The following DOK6 variants were observed in gnomAD, a reference collection of about 807,000 sequenced individuals.
DOK6 encodes the protein docking protein 6.
Under a neutral mutation model 44.0 loss-of-function variants are expected in DOK6, and 22 were observed. The ratio of observed to expected loss-of-function variants is 0.50; its 90% CI spans 0.36 to 0.71. The LOEUF is 0.71. Ranked by LOEUF, DOK6 falls within the 30% of genes least tolerant of loss-of-function variation. DOK6 has a pLI of 0.00. For synonymous variants in DOK6, 166 were observed against 145.5 expected (o/e 1.14, Z -1.01); for missense variants, 340 against 416.4 (o/e 0.82, Z 1.60).
intron 7 of DOK6, among the ~76,000 whole-genome samples, chr18:69,833,609 C>T (rs1470024979): frequency 6.6e-6 from 1 of 151,950 alleles, no homozygotes; most frequent in African/African-American, 2.4e-5. Flanking sequence ...AAAAAGCTAA[C>T]AAATAAATGA....
chr18:69,792,111 G>T (rs1980618355), intron 7 of DOK6, among the ~76,000 whole-genome samples: 1 of 152,050 alleles, frequency 6.6e-6, no homozygotes, highest in East Asian at 1.9e-4. Context: ...ATTGGTCTAT[G>T]TGTCTGTTTT....
chr18:69,534,540 G>A (rs925270116), intron 1 of DOK6, among the ~76,000 whole-genome samples: 1 of 151,204 alleles, frequency 6.6e-6, no homozygotes, highest in Admixed American at 6.6e-5. Flanking sequence ...ATTTATGCAT[G>A]GGAACTGATT....
At position 69,612,465 on chromosome 18, in the gene DOK6, A is replaced by AGGGCGCATGTGTGCGAGGGCGCACG. The variant is rs1984180059; in HGVS notation, c.289+12967_289+12968insGGGCGCATGTGTGCGAGGGCGCACG. On this transcript the variant is annotated intron_variant, in intron 3 of 7. Transcript: ENST00000382713. The stretch of plus-strand genomic sequence containing the variant: ...AGGGCGCATGTGTGCGAGCGTGCAT[A>AGGGCGCATGTGTGCGAGGGCGCACG]TGTATTTCTTGCTCTTTTCTAACAT... 3.2e-5 allele frequency among the ~76,000 whole-genome samples: 2 copies of AGGGCGCATGTGTGCGAGGGCGCACG among 62,704 alleles called. 1 individual carries two copies. Among genetic ancestry groups the AGGGCGCATGTGTGCGAGGGCGCACG allele is most frequent in the African/African-American group, 1.3e-4 (2 of 14,844 alleles). 41.1% of individuals were successfully genotyped at this position (62,704 alleles called of 152,430 possible). A position where few individuals can be genotyped will look rare whatever the true frequency, so the allele number is the denominator to read the frequency against.
intron 1 of DOK6, among the ~76,000 whole-genome samples, chr18:69,477,056 T>A (rs1258631878): frequency 6.6e-6 from 1 of 152,220 alleles, no homozygotes; most frequent in Non-Finnish European, 1.5e-5. Context: ...TTATAAAATA[T>A]GCTACTTGTA....
rs1353609113 is a variant in DOK6, at chr18:69,401,397, T to A, written c.66+87T>A. 5.1e-6 allele frequency: 7 copies of A among 1,364,140 alleles called. No individual in the cohort carries two copies. In the East Asian group the frequency reaches 1.9e-4, roughly 38 times the overall value. The allele number at this position is 1,364,140 out of a possible 1,614,324, so 84.5% of individuals were successfully genotyped here. On this transcript the variant is annotated intron_variant, in intron 1 of 7. Transcript: ENST00000382713. Reference sequence around the variant, plus strand: ...GGGGGGGGCAGGGAGAGGTGACCCGTGCGGGTACAGGGCAGAGAGGGACCC... The same window carrying A: ...GGGGGGGGCAGGGAGAGGTGACCCGAGCGGGTACAGGGCAGAGAGGGACCC...
intron 1 of DOK6, among the ~76,000 whole-genome samples, chr18:69,532,326 T>A (rs749277344): frequency 6.6e-6 from 1 of 152,134 alleles, no homozygotes; most frequent in Non-Finnish European, 1.5e-5. Context: ...TCAGTGTCAT[T>A]TTTAGTCTAC....
intron 6 of DOK6, among the ~76,000 whole-genome samples, chr18:69,754,638 G>C (rs183767243): frequency 6.6e-6 from 1 of 152,100 alleles, no homozygotes; most frequent in Non-Finnish European, 1.5e-5. Flanking sequence ...CTGCAGGGTT[G>C]GTTTCTCCTG....
intron 2 of DOK6, among the ~76,000 whole-genome samples, chr18:69,584,584 GC>G (rs1568303684): frequency 2.0e-5 from 3 of 151,944 alleles, no homozygotes; most frequent in African/African-American, 7.3e-5. Context: ...GAGCCACCGC[GC>G]CCAGACCATA....
At chr18:69,634,858 A>G (rs1373236021) in intron 3 of DOK6, among the ~76,000 whole-genome samples, 1 of 152,172 alleles carries the variant, frequency 6.6e-6, no homozygotes, top group Non-Finnish European at 1.5e-5. Context: ...AAAATTAAAC[A>G]TCCTTGGTAT....
intron 3 of DOK6, among the ~76,000 whole-genome samples, chr18:69,623,169 A>C (rs1409322877): frequency 6.6e-6 from 1 of 152,130 alleles, no homozygotes; most frequent in Non-Finnish European, 1.5e-5. Context: ...CCATCTGAAT[A>C]TATGCCAGCT....
At chr18:69,679,132 G>A (rs1985989764) in intron 4 of DOK6, among the ~76,000 whole-genome samples, 2 of 152,010 alleles carry the variant, frequency 1.3e-5, no homozygotes, top group Non-Finnish European at 1.5e-5. Flanking sequence ...GCCAATATTG[G>A]GCCACTGTAG....
intron 6 of DOK6, among the ~76,000 whole-genome samples, chr18:69,753,990 T>A (rs892040734): frequency 6.6e-6 from 1 of 152,320 alleles, no homozygotes; most frequent in African/African-American, 2.4e-5. Context: ...ATTTGCAATA[T>A]AAGTTGCCTT....
At chr18:69,746,326 A>G (rs953854508) in intron 6 of DOK6, among the ~76,000 whole-genome samples, 1 of 152,144 alleles carries the variant, frequency 6.6e-6, no homozygotes, top group East Asian at 1.9e-4. Context: ...GAGTGCAGTG[A>G]CATGATCTTG....
At chr18:69,456,000 G>T (rs1314791225) in intron 1 of DOK6, among the ~76,000 whole-genome samples, 4 of 152,060 alleles carry the variant, frequency 2.6e-5, no homozygotes, top group African/African-American at 9.7e-5. Flanking sequence ...AGGGATTAAA[G>T]ACTTCAAATT....
intron 1 of DOK6, among the ~76,000 whole-genome samples, chr18:69,564,258 T>C (rs534061861): frequency 1.3e-5 from 2 of 152,212 alleles, no homozygotes; most frequent in Non-Finnish European, 2.9e-5. Context: ...TAAAGACTAC[T>C]AAAATCAGCC....
At chr18:69,629,237 C>G (rs764592876) in intron 3 of DOK6, among the ~76,000 whole-genome samples, 9 of 152,184 alleles carry the variant, frequency 5.9e-5, no homozygotes, top group African/African-American at 9.7e-5. Context: ...TGGAGCAATC[C>G]AGAAGACTGT....
At chr18:69,693,971 A>G (rs113299599) in intron 4 of DOK6, among the ~76,000 whole-genome samples, 1 of 143,340 alleles carries the variant, frequency 7.0e-6, no homozygotes, top group African/African-American at 2.6e-5. Flanking sequence ...AGGCAGGAGA[A>G]TGGCGTGAAC....
chr18:69,626,824 A>T (rs2144642396), intron 3 of DOK6, among the ~76,000 whole-genome samples: 1 of 152,284 alleles, frequency 6.6e-6, no homozygotes, highest in South Asian at 2.1e-4. Context: ...CTGGCATGCA[A>T]AACTGGCAAG....
intron 1 of DOK6, among the ~76,000 whole-genome samples, chr18:69,487,654 G>C (rs1243978154): frequency 6.6e-6 from 1 of 152,200 alleles, no homozygotes; most frequent in Non-Finnish European, 1.5e-5. Flanking sequence ...TCTGGAGAGA[G>C]TCAGGAAAGA....
Sources: gnomAD v4.1 joint callset for allele counts (sites outside exome capture counted in the v4.1 genomes callset) on GRCh38, gnomAD v4.1.1 for gene constraint, MANE v1.5 for transcripts, NCBI Gene and HGNC (gene_info 2026-07-23, HGNC 2026-07-21) for gene names.